The following SYN3 variants were observed in gnomAD, a reference collection of about 807,000 sequenced individuals.
The protein encoded by SYN3 is synapsin III.
Under a neutral mutation model 65.8 loss-of-function variants are expected in SYN3, and 35 were observed. The observed-to-expected ratio is 0.53, with a 90% CI of 0.41 to 0.70. SYN3 has a LOEUF of 0.70. SYN3 is among the 30% of genes least tolerant of loss of function. The probability of loss-of-function intolerance (pLI) is 0.00; values close to 1 mark genes in which losing one functional copy is unlikely to be tolerated. For synonymous variants in SYN3, 270 were observed against 292.9 expected, an observed-to-expected ratio of 0.92 and a Z score of 0.80; for missense variants, 680 against 749.0, an observed-to-expected ratio of 0.91 and a Z score of 1.08.
intron 6 of SYN3, among the ~76,000 whole-genome samples, chr22:32,641,984 G>A (rs1443167493): frequency 6.6e-6 from 1 of 152,012 alleles, no homozygotes; most frequent in African/African-American, 2.4e-5. Context: ...TCCTCACACT[G>A]TGCTGGTTAA....
At chr22:32,585,752 G>A (rs2059013788) in intron 7 of SYN3, among the ~76,000 whole-genome samples, 1 of 152,088 alleles carries the variant, frequency 6.6e-6, no homozygotes, top group African/African-American at 2.4e-5. Context: ...CAGGATGACT[G>A]TTTCAGTTAG....
intron 6 of SYN3, among the ~76,000 whole-genome samples, chr22:32,632,910 G>A (rs1480948174): frequency 1.3e-5 from 2 of 152,214 alleles, no homozygotes; most frequent in African/African-American, 2.4e-5. Flanking sequence ...TCATCGGGTA[G>A]TTATGGATAA....
At chr22:32,679,178 G>A (rs886277511) in intron 6 of SYN3, among the ~76,000 whole-genome samples, 2 of 147,864 alleles carry the variant, frequency 1.4e-5, no homozygotes, top group African/African-American at 2.5e-5. Flanking sequence ...TCAGCCTCCC[G>A]AGTAGCTGGG....
chr22:32,890,333 C>A (rs1443305171), intron 4 of SYN3, among the ~76,000 whole-genome samples: 1 of 152,056 alleles, frequency 6.6e-6, no homozygotes, highest in Non-Finnish European at 1.5e-5. Context: ...CCATAGCCTC[C>A]CCAAATGCTG....
At chr22:32,605,476 G>C (rs2059359996) in intron 6 of SYN3, among the ~76,000 whole-genome samples, 1 of 152,202 alleles carries the variant, frequency 6.6e-6, no homozygotes, top group Non-Finnish European at 1.5e-5. Flanking sequence ...TGAGCCCTTA[G>C]TGTGTACCAG....
chr22:32,951,118 G>T (rs924158274), intron 3 of SYN3, among the ~76,000 whole-genome samples: 3 of 152,152 alleles, frequency 2.0e-5, no homozygotes, highest in Non-Finnish European at 4.4e-5. Context: ...AACAATAGCA[G>T]TGATAATAAA....
rs561318245 is a variant in SYN3, at chr22:32,651,995, C to G, written c.712-55259G>C. On this transcript the variant is annotated intron_variant, in intron 6 of 13. Coordinates refer to ENST00000358763, the MANE Select transcript of SYN3 (RefSeq NM_003490.4). ...TCCTGCAACAAAGAATTAGCCTATC[C>G]AAAACGTTAATAGTGCCAGAGTTGA... Among the ~76,000 whole-genome samples the G allele has an allele frequency of 5.7e-4, 87 of 152,216 alleles. 1 individual carries two copies. Among genetic ancestry groups the G allele is most frequent in the African/African-American group, 2.0e-3 (83 of 41,522 alleles).
chr22:32,561,073 T>C (rs1441454012), intron 7 of SYN3, among the ~76,000 whole-genome samples: 3 of 152,164 alleles, frequency 2.0e-5, no homozygotes, highest in African/African-American at 7.2e-5. Flanking sequence ...GAGGAGCAGT[T>C]GTGCCCACGA....
chr22:32,885,251 A>G (rs2049256676), intron 4 of SYN3, among the ~76,000 whole-genome samples: 1 of 152,226 alleles, frequency 6.6e-6, no homozygotes, highest in Non-Finnish European at 1.5e-5. Flanking sequence ...GACTAAATCA[A>G]TAAAGAAAAT....
chr22:32,967,492 T>A (rs187375554), intron 3 of SYN3, among the ~76,000 whole-genome samples: 1 of 152,310 alleles, frequency 6.6e-6, no homozygotes, highest in African/African-American at 2.4e-5. Flanking sequence ...GTCCTGTTGA[T>A]ATGTCAGCTC....
At chr22:32,653,083 A>G (rs559486463) in intron 6 of SYN3, among the ~76,000 whole-genome samples, 3 of 152,280 alleles carry the variant, frequency 2.0e-5, no homozygotes, top group African/African-American at 7.2e-5. Flanking sequence ...TCTACCATCT[A>G]TACACAGGCA....
At chr22:32,845,736 C>T (rs1381681273) in intron 6 of SYN3, among the ~76,000 whole-genome samples, 3 of 152,174 alleles carry the variant, frequency 2.0e-5, no homozygotes, top group Non-Finnish European at 4.4e-5. Context: ...AAGCTGGCTT[C>T]TAGCCACCAC....
chr22:33,038,662 CT>C (rs2053905036), intron 1 of SYN3, among the ~76,000 whole-genome samples: 1 of 152,210 alleles, frequency 6.6e-6, no homozygotes, highest in South Asian at 2.1e-4. Flanking sequence ...CTGCACCCTA[CT>C]TTATTAAAGA....
chr22:32,725,345 C>T (rs925918508), intron 6 of SYN3, among the ~76,000 whole-genome samples: 4 of 152,094 alleles, frequency 2.6e-5, no homozygotes, highest in African/African-American at 9.7e-5. Context: ...GGCCATAAAA[C>T]AGGATTTAAC....
At chr22:32,716,970 C>T (rs1445915019) in intron 6 of SYN3, among the ~76,000 whole-genome samples, 1 of 152,188 alleles carries the variant, frequency 6.6e-6, no homozygotes, top group Non-Finnish European at 1.5e-5. Flanking sequence ...TGTTTCATCT[C>T]CACAAACTGA....
Position 32,974,329 on chromosome 22 carries a change from A to G in SYN3, c.369+6316T>C, listed in dbSNP as rs115236275. Among the ~76,000 whole-genome samples, 484 of 152,352 alleles carry G rather than the reference A, an allele frequency of 3.2e-3. 2 individuals are homozygous for G. The highest frequency in any genetic ancestry group is 0.011 in the African/African-American group (461 of 41,588). ...CTCTCTGTGAGTCTCAGTTTCTGAA[A>G]GATGGAGGTGATAACAGTGCCTACT... is the stretch of plus-strand genomic sequence containing the variant. On this transcript the variant is annotated intron_variant, in intron 3 of 13. Transcript: ENST00000358763.
chr22:32,538,357 TA>T (rs753850440), intron 8 of SYN3, among the ~76,000 whole-genome samples: 2 of 152,184 alleles, frequency 1.3e-5, no homozygotes, highest in Non-Finnish European at 2.9e-5. Flanking sequence ...ATTGAAAGAT[TA>T]AATTAAAAAA....
chr22:32,691,716 C>T (rs2060663597), intron 6 of SYN3, among the ~76,000 whole-genome samples: 1 of 151,562 alleles, frequency 6.6e-6, no homozygotes, highest in African/African-American at 2.4e-5. Context: ...CGGCTTAGTT[C>T]TGGGGGTGGT....
intron 3 of SYN3, among the ~76,000 whole-genome samples, chr22:32,960,163 C>T (rs867459001): frequency 6.1e-4 from 93 of 152,268 alleles, no homozygotes; most frequent in African/African-American, 2.1e-3. Flanking sequence ...GAATGCCCTT[C>T]CTAGGTTAGC....
Sources: gnomAD v4.1 joint callset for allele counts (sites outside exome capture counted in the v4.1 genomes callset) on GRCh38, gnomAD v4.1.1 for gene constraint, MANE v1.5 for transcripts, NCBI Gene and HGNC (gene_info 2026-07-23, HGNC 2026-07-21) for gene names.